ARHGAP24: variants seen among roughly 807,000 people sequenced by gnomAD.
The protein encoded by ARHGAP24 is rho GTPase-activating protein 24.
A neutral mutation model predicts 76.4 loss-of-function variants in ARHGAP24; 50 were observed. The ratio of observed to expected loss-of-function variants is 0.65; its 90% CI spans 0.52 to 0.83. The LOEUF is 0.83. Among genes scored for constraint, ARHGAP24 ranks in the 40% least tolerant of loss-of-function variants. The probability of loss-of-function intolerance (pLI) is 0.00; values close to 1 mark genes in which losing one functional copy is unlikely to be tolerated. For missense variants in ARHGAP24, 930 were observed against 914.2 expected, an observed-to-expected ratio of 1.02 and a Z score of -0.22; for synonymous variants, 345 against 323.3, an observed-to-expected ratio of 1.07 and a Z score of -0.72.
At chr4:85,548,340 A>G (rs1725997637) in intron 1 of ARHGAP24, among the ~76,000 whole-genome samples, 1 of 152,166 alleles carries the variant, frequency 6.6e-6, no homozygotes, top group South Asian at 2.1e-4. Context: ...TGATATGTTA[A>G]TACTTCTAGG....
At chr4:85,853,641 AC>A (rs1457385218) in intron 3 of ARHGAP24, among the ~76,000 whole-genome samples, 1 of 151,982 alleles carries the variant, frequency 6.6e-6, no homozygotes, top group Non-Finnish European at 1.5e-5. Context: ...TAAAAGAAAA[AC>A]CTGGCCGAGC....
chr4:85,496,376 T>C (rs745483370), intron 1 of ARHGAP24, among the ~76,000 whole-genome samples: 1 of 152,202 alleles, frequency 6.6e-6, no homozygotes, highest in Non-Finnish European at 1.5e-5. Context: ...TCAGCAGAAA[T>C]AGGTCTATCA....
chr4:85,674,339 C>T (rs578001490), intron 2 of ARHGAP24, among the ~76,000 whole-genome samples: 1 of 152,290 alleles, frequency 6.6e-6, no homozygotes, highest in African/African-American at 2.4e-5. Context: ...CTGAACAGTT[C>T]TCTAACTCTC....
chr4:85,658,722 C>G (rs952836496), intron 2 of ARHGAP24, among the ~76,000 whole-genome samples: 1 of 152,180 alleles, frequency 6.6e-6, no homozygotes, highest in South Asian at 2.1e-4. Flanking sequence ...GGGAATCACT[C>G]AAGCCATTTT....
intron 3 of ARHGAP24, among the ~76,000 whole-genome samples, chr4:85,917,236 A>G (rs2148805700): frequency 6.6e-6 from 1 of 152,246 alleles, no homozygotes; most frequent in South Asian, 2.1e-4. Flanking sequence ...TACAAAGGAC[A>G]TGAACTCATC....
At chr4:85,974,819 A>C in intron 6 of ARHGAP24, 69 bp from the exon 7 acceptor site, 1 of 1,483,696 alleles carries the variant, frequency 6.7e-7, no homozygotes, top group East Asian at 2.3e-5. Flanking sequence ...TTATATGGCC[A>C]TTTCGACTTG....
chr4:85,840,150 C>CCACCA (rs141497720), intron 3 of ARHGAP24, among the ~76,000 whole-genome samples: 12,699 of 151,694 alleles, frequency 0.084, 609 homozygotes, highest in Middle Eastern at 0.14. Context: ...CAGGCATGAG[C>CCACCA]CACCACGCCC....
chr4:85,938,105 C>T (rs1560731245), intron 4 of ARHGAP24, among the ~76,000 whole-genome samples: 1 of 152,154 alleles, frequency 6.6e-6, no homozygotes, highest in South Asian at 2.1e-4. Flanking sequence ...CTTGTGTGCG[C>T]CACTGGAAAC....
At chr4:85,593,100 C>T (rs1415648469) in intron 2 of ARHGAP24, among the ~76,000 whole-genome samples, 1 of 152,172 alleles carries the variant, frequency 6.6e-6, no homozygotes, top group African/African-American at 2.4e-5. Context: ...TTTTTCTCCA[C>T]ATTCTCATCA....
chr4:85,923,917 G>A (rs1032618722), intron 4 of ARHGAP24, 147 bp downstream of exon 4: 33 of 1,168,314 alleles, frequency 2.8e-5, no homozygotes, highest in Non-Finnish European at 2.9e-5. Context: ...ATTGTTAGAC[G>A]TATGTCTTCG....
intron 4 of ARHGAP24, chr4:85,930,924 C>T (rs760977623): frequency 6.2e-7 from 1 of 1,613,864 alleles, no homozygotes; most frequent in Non-Finnish European, 8.5e-7. Flanking sequence ...AACTTCAGGC[C>T]TGTACGATGC....
intron 2 of ARHGAP24, among the ~76,000 whole-genome samples, chr4:85,643,299 T>C (rs1488851966): frequency 3.2e-5 from 2 of 63,110 alleles, no homozygotes; most frequent in South Asian, 9.8e-4. Flanking sequence ...TCGCCCAGGC[T>C]GGACTGCGGA....
Position 85,806,185 on chromosome 4 carries a change from C to T in ARHGAP24, c.268+84213C>T, listed in dbSNP as rs191221312. On this transcript the variant is annotated intron_variant, in intron 3 of 9. Transcript: ENST00000395184. ...CCAATTGAGTATTTTTACCCCTGAC[C>T]TCAAAGAGTGATAAATTAAATCAGT... is the stretch of plus-strand genomic sequence containing the variant. Among the ~76,000 whole-genome samples, 5 of 152,210 alleles carry T rather than the reference C, an allele frequency of 3.3e-5. No homozygotes were observed. In the East Asian group the frequency reaches 9.7e-4, roughly 29 times the overall value.
At chr4:85,510,368 TCA>T (rs1311059633) in intron 1 of ARHGAP24, among the ~76,000 whole-genome samples, 1 of 152,040 alleles carries the variant, frequency 6.6e-6, no homozygotes, top group Admixed American at 6.6e-5. Context: ...TTTCGCACCT[TCA>T]CACATATTCA....
chr4:85,664,091 A>G (rs537813845), intron 2 of ARHGAP24, among the ~76,000 whole-genome samples: 4 of 151,502 alleles, frequency 2.6e-5, no homozygotes, highest in Admixed American at 1.3e-4. Flanking sequence ...GAATGGTACC[A>G]GTTCCTCCTT....
chr4:85,595,847 C>G (rs1174856106), intron 2 of ARHGAP24, among the ~76,000 whole-genome samples: 1 of 151,974 alleles, frequency 6.6e-6, no homozygotes, highest in East Asian at 1.9e-4. Flanking sequence ...AAGACTGGCT[C>G]TATTTGATTG....
chr4:85,942,188 G>A lies in ARHGAP24; in HGVS notation c.514G>A (p.Gly172Ser). The A allele has an allele frequency of 6.2e-7, 1 of 1,614,022 alleles. No homozygotes were observed. Among genetic ancestry groups the A allele is most frequent in the Non-Finnish European group, 8.5e-7 (1 of 1,179,990 alleles). ...CCGACAAAGGGGGCTGAAAGAAGAG[G>A]GTCTCTTTCGACTGCCAGGCCAGGC... ...FIRQRGLKEE[G>S]LFRLPGQANL... Residue 172 changes from glycine (G) to serine (S), a missense_variant, in exon 5 of 10, where the codon GGT becomes AGT. Gly to Ser is a moderately conservative substitution (Grantham distance 56). Transcript: ENST00000395184.
chr4:85,634,543 T>G (rs561943311), intron 2 of ARHGAP24, among the ~76,000 whole-genome samples: 1 of 151,986 alleles, frequency 6.6e-6, no homozygotes, highest in South Asian at 2.1e-4. Flanking sequence ...TCCTCTTTGC[T>G]TCATCTCCTG....
rs551946025 is a variant in ARHGAP24, at chr4:85,661,772, G to C, written c.181-60113G>C. 3.2e-4 allele frequency among the ~76,000 whole-genome samples: 48 copies of C among 151,914 alleles called. No homozygotes were observed. In the South Asian group the frequency reaches 1.0e-2, roughly 32 times the overall value. Reference sequence around the variant, plus strand: ...TATGAGTGAGAGCATGCGGTGTTTGGTTTTTTGTCCTTGTGATAGTTTACT... The same window carrying C: ...TATGAGTGAGAGCATGCGGTGTTTGCTTTTTTGTCCTTGTGATAGTTTACT... On this transcript the variant is annotated intron_variant, in intron 2 of 9. Coordinates refer to ENST00000395184, the MANE Select transcript of ARHGAP24 (RefSeq NM_001025616.3).
Sources: allele counts gnomAD v4.1 joint callset (sites outside exome capture counted in the v4.1 genomes callset), GRCh38; gene constraint gnomAD v4.1.1; transcripts MANE v1.5; gene names NCBI Gene and HGNC (gene_info 2026-07-23, HGNC 2026-07-21).